MMP16: variants seen among roughly 807,000 people sequenced by gnomAD.
MMP16 encodes the protein matrix metallopeptidase 16, also known as matrix metalloproteinase-16.
MMP16 carries 12 observed loss-of-function variants against 67.8 expected under a neutral mutation model. The observed-to-expected ratio is 0.18, with a 90% CI of 0.11 to 0.29. The LOEUF (loss-of-function observed/expected upper bound fraction) is 0.29, where lower values mean the gene tolerates loss of function less well. Ranked by LOEUF, MMP16 falls within the 10% of genes least tolerant of loss-of-function variation. The probability of loss-of-function intolerance (pLI) is 1.00; values close to 1 mark genes in which losing one functional copy is unlikely to be tolerated. For missense variants in MMP16, 475 were observed against 765.7 expected (o/e 0.62, Z 4.48); for synonymous variants, 249 against 255.9 (o/e 0.97, Z 0.26).
chr8:88,283,042 T>G (rs1311112695), intron 1 of MMP16, among the ~76,000 whole-genome samples: 1 of 152,152 alleles, frequency 6.6e-6, no homozygotes, highest in African/African-American at 2.4e-5. Flanking sequence ...TTTTTTTCAT[T>G]ATCTTTCATT....
intron 1 of MMP16, among the ~76,000 whole-genome samples, chr8:88,265,474 T>G (rs1186563386): frequency 6.6e-6 from 1 of 152,142 alleles, no homozygotes; most frequent in African/African-American, 2.4e-5. Context: ...GAGAGAATGA[T>G]CATTAACTGG....
At chr8:88,103,434 A>C (rs947574192) in intron 6 of MMP16, among the ~76,000 whole-genome samples, 3 of 151,876 alleles carry the variant, frequency 2.0e-5, no homozygotes, top group Non-Finnish European at 4.4e-5. Flanking sequence ...AATAAAAGCG[A>C]ATGAATAAAA....
chr8:88,178,793 T>C (rs974694110), intron 3 of MMP16, among the ~76,000 whole-genome samples: 1 of 152,180 alleles, frequency 6.6e-6, no homozygotes, highest in East Asian at 1.9e-4. Context: ...TATTTTTATA[T>C]GTTGCCTTTT....
At chr8:88,266,061 A>G (rs186947876) in intron 1 of MMP16, among the ~76,000 whole-genome samples, 18 of 152,324 alleles carry the variant, frequency 1.2e-4, no homozygotes, top group Admixed American at 8.5e-4. Context: ...TGCAAGGGAC[A>G]TGATTCTCTG....
chr8:88,207,853 C>A (rs539627429), intron 1 of MMP16, among the ~76,000 whole-genome samples: 8 of 152,208 alleles, frequency 5.3e-5, no homozygotes, highest in Admixed American at 4.6e-4. Context: ...TCTAAGAAAG[C>A]CTTGTCTATA....
chr8:88,176,634 A>G (rs1437780315), intron 3 of MMP16, among the ~76,000 whole-genome samples: 2 of 152,230 alleles, frequency 1.3e-5, no homozygotes, highest in East Asian at 3.8e-4. Context: ...TCTCATACAC[A>G]TAATCAATTA....
At chr8:88,174,708 G>C (rs1808857984) in intron 3 of MMP16, among the ~76,000 whole-genome samples, 1 of 151,428 alleles carries the variant, frequency 6.6e-6, no homozygotes, top group Non-Finnish European at 1.5e-5. Flanking sequence ...CTTTAATCTT[G>C]AGTTGTTCCA....
chr8:88,319,787 C>A (rs758162150), intron 1 of MMP16, among the ~76,000 whole-genome samples: 1 of 151,730 alleles, frequency 6.6e-6, no homozygotes, highest in African/African-American at 2.4e-5. Flanking sequence ...TTAACTTAAA[C>A]GGGGCTAAAA....
chr8:88,092,836 A>G (rs148638778), intron 6 of MMP16, among the ~76,000 whole-genome samples: 3 of 151,950 alleles, frequency 2.0e-5, no homozygotes, highest in Non-Finnish European at 4.4e-5. Context: ...TTGTATGTGT[A>G]AGTATACCAT....
chr8:88,087,300 A>G (rs1484979247), intron 6 of MMP16, among the ~76,000 whole-genome samples: 11 of 151,780 alleles, frequency 7.2e-5, no homozygotes. Flanking sequence ...TTAAGGTACA[A>G]TCTAGGCTTC....
intron 7 of MMP16, among the ~76,000 whole-genome samples, chr8:88,071,442 C>T (rs561348792): frequency 6.6e-6 from 1 of 151,448 alleles, no homozygotes; most frequent in African/African-American, 2.4e-5. Context: ...AAAGACAAAG[C>T]TTCTCAAATA....
chr8:88,142,343 AT>A (rs892617223), intron 4 of MMP16, among the ~76,000 whole-genome samples: 2 of 152,164 alleles, frequency 1.3e-5, no homozygotes, highest in Non-Finnish European at 2.9e-5. Flanking sequence ...CATCAGACAT[AT>A]TTTAAAGCTA....
At chr8:88,246,573 A>G (rs1810115872) in intron 1 of MMP16, among the ~76,000 whole-genome samples, 1 of 152,192 alleles carries the variant, frequency 6.6e-6, no homozygotes, top group Non-Finnish European at 1.5e-5. Flanking sequence ...AATACTACCC[A>G]GCCCAACTTT....
At chr8:88,252,312 C>T (rs1810237888) in intron 1 of MMP16, among the ~76,000 whole-genome samples, 1 of 152,122 alleles carries the variant, frequency 6.6e-6, no homozygotes, top group Admixed American at 6.6e-5. Context: ...GTACTACGGC[C>T]TCTTCCACAT....
chr8:88,323,069 G>C (rs546370562), intron 1 of MMP16, among the ~76,000 whole-genome samples: 2 of 152,096 alleles, frequency 1.3e-5, no homozygotes, highest in African/African-American at 4.8e-5. Context: ...TGACCAGTTA[G>C]AAACTGCTAC....
Position 88,073,078 on chromosome 8 carries a change from G to A in MMP16, c.1222+1527C>T, listed in dbSNP as rs897873327. 4.6e-5 allele frequency among the ~76,000 whole-genome samples: 7 copies of A among 152,128 alleles called. 1 individual carries two copies. Among genetic ancestry groups the A allele is most frequent in the African/African-American group, 7.2e-5 (3 of 41,450 alleles). ...CACTACTGGTCCTGTGAGGAGACAGGGCCTCCTGGGACGGTCCCCAAGTGG... is the reference window on the plus strand; with the variant it reads ...CACTACTGGTCCTGTGAGGAGACAGAGCCTCCTGGGACGGTCCCCAAGTGG... On this transcript the variant is annotated intron_variant, in intron 7 of 9. Coordinates refer to ENST00000286614, the MANE Select transcript of MMP16 (RefSeq NM_005941.5).
chr8:88,138,082 CAT>C (rs1018079924), intron 4 of MMP16, among the ~76,000 whole-genome samples: 5 of 151,550 alleles, frequency 3.3e-5, no homozygotes, highest in African/African-American at 1.2e-4. Flanking sequence ...ACACCTGAAT[CAT>C]GTGTGTATGT....
At chr8:88,084,095 CA>C (rs1478261961) in intron 6 of MMP16, among the ~76,000 whole-genome samples, 2 of 151,994 alleles carry the variant, frequency 1.3e-5, no homozygotes, top group African/African-American at 4.8e-5. Flanking sequence ...ACCAATTTTT[CA>C]TGCACTTGTG....
At chr8:88,126,047 G>T (rs1269607042) in intron 4 of MMP16, among the ~76,000 whole-genome samples, 1 of 151,692 alleles carries the variant, frequency 6.6e-6, no homozygotes, top group Non-Finnish European at 1.5e-5. Flanking sequence ...TTATTTATAT[G>T]GCAATCCTGG....
Sources: allele counts gnomAD v4.1 joint callset (sites outside exome capture counted in the v4.1 genomes callset), GRCh38; gene constraint gnomAD v4.1.1; transcripts MANE v1.5; gene names NCBI Gene and HGNC (gene_info 2026-07-23, HGNC 2026-07-21).